Variants in TIAM1 observed in about 807,000 individuals in gnomAD.
TIAM1 encodes the protein rho guanine nucleotide exchange factor TIAM1.
Under a neutral mutation model 163.5 loss-of-function variants are expected in TIAM1, and 65 were observed. That is an observed-to-expected ratio of 0.40 (90% CI 0.33 to 0.49). The LOEUF (loss-of-function observed/expected upper bound fraction) is 0.49, where lower values mean the gene tolerates loss of function less well. Ranked by LOEUF, TIAM1 falls within the 20% of genes least tolerant of loss-of-function variation. The pLI, the probability that TIAM1 is intolerant of heterozygous loss-of-function variation, is 0.77. For synonymous variants in TIAM1, 833 were observed against 810.1 expected, an observed-to-expected ratio of 1.03 and a Z score of -0.48; for missense variants, 1,789 against 2,044.7, an observed-to-expected ratio of 0.87 and a Z score of 2.41.
At chr21:31,554,312 C>T (rs1342289378) in intron 1 of TIAM1, among the ~76,000 whole-genome samples, 1 of 152,158 alleles carries the variant, frequency 6.6e-6, no homozygotes, top group African/African-American at 2.4e-5. Flanking sequence ...GTCCTTTGCT[C>T]TTTAATAAAA....
At position 31,395,242 on chromosome 21, in the gene TIAM1, A is replaced by C. The variant is rs1024067686; in HGVS notation, c.-368-55820T>G. On this transcript the variant is annotated intron_variant, in intron 2 of 28. Transcript: ENST00000286827. The surrounding 1 kb of genome is among the most constrained non-coding windows in gnomAD (Gnocchi z 7.5). ...AACAGAGTGAGACTCTGTCTCAAAA[A>C]AAAAAAAGAGGAGGTGGGGGGAGAA... 1.3e-5 allele frequency among the ~76,000 whole-genome samples: 2 copies of C among 151,988 alleles called. No individual in the cohort carries two copies. The highest frequency in any genetic ancestry group is 2.9e-5 in the Non-Finnish European group (2 of 67,966).
intron 2 of TIAM1, among the ~76,000 whole-genome samples, chr21:31,329,628 G>A (rs973295541): frequency 1.3e-5 from 2 of 152,212 alleles, no homozygotes; most frequent in Non-Finnish European, 2.9e-5. Context: ...CCAGAAGGAA[G>A]AAAACAGGAA....
intron 20 of TIAM1, among the ~76,000 whole-genome samples, chr21:31,146,091 C>T (rs1316433213): frequency 6.6e-6 from 1 of 152,104 alleles, no homozygotes; most frequent in Non-Finnish European, 1.5e-5. Context: ...TGCAAAATGA[C>T]CCATCAATTC....
intron 2 of TIAM1, among the ~76,000 whole-genome samples, chr21:31,362,463 T>C (rs141758135): frequency 5.9e-4 from 88 of 148,322 alleles, no homozygotes; most frequent in African/African-American, 2.1e-3. Flanking sequence ...TTATTATTAT[T>C]ATTATTATTA....
At chr21:31,157,879 A>T (rs2083703642) in intron 16 of TIAM1, among the ~76,000 whole-genome samples, 1 of 152,168 alleles carries the variant, frequency 6.6e-6, no homozygotes, top group African/African-American at 2.4e-5. Flanking sequence ...ATTTAGGCAA[A>T]CTGTGTGAAA....
At chr21:31,355,669 C>T (rs11088169) in intron 2 of TIAM1, among the ~76,000 whole-genome samples, 30,732 of 151,698 alleles carry the variant, frequency 0.2, 3,217 homozygotes, top group Middle Eastern at 0.32. Flanking sequence ...CTCTTGCCTC[C>T]GCCTCCTGAG....
intron 1 of TIAM1, among the ~76,000 whole-genome samples, chr21:31,532,091 TG>T (rs1351289517): frequency 4.6e-5 from 7 of 152,144 alleles, no homozygotes; most frequent in Admixed American, 4.6e-4. Flanking sequence ...CATTCCAGCC[TG>T]GGTGACAGAG....
intron 2 of TIAM1, among the ~76,000 whole-genome samples, chr21:31,295,325 T>A (rs189288913): frequency 6.6e-6 from 1 of 151,702 alleles, no homozygotes; most frequent in African/African-American, 2.4e-5. Context: ...AAAAAATTAG[T>A]TGGGCGTGGT....
intron 2 of TIAM1, among the ~76,000 whole-genome samples, chr21:31,410,692 G>A (rs2077341673): frequency 6.8e-6 from 1 of 146,330 alleles, no homozygotes; most frequent in Non-Finnish European, 1.5e-5. Context: ...GTGAGAGTGT[G>A]TGTGAGTGTG....
intron 1 of TIAM1, among the ~76,000 whole-genome samples, chr21:31,518,579 G>A (rs2047460700): frequency 1.3e-5 from 2 of 152,116 alleles, no homozygotes; most frequent in African/African-American, 4.8e-5. Context: ...TGGCCACTGC[G>A]CCCGGCCCTA....
At chr21:31,312,937 C>T (rs1031247217) in intron 2 of TIAM1, among the ~76,000 whole-genome samples, 19 of 152,218 alleles carry the variant, frequency 1.2e-4, no homozygotes, top group Non-Finnish European at 5.9e-5. Context: ...CAGGGGGCAT[C>T]CTTTTAACAA....
chr21:31,503,408 G>A (rs1323705959), intron 1 of TIAM1, among the ~76,000 whole-genome samples: 1 of 107,552 alleles, frequency 9.3e-6, no homozygotes, highest in African/African-American at 3.6e-5. Context: ...AGAAAAAGAA[G>A]AGAAGAGAAG....
In TIAM1 at chr21:31,337,825, C is replaced by T. The variant is rs368872415; in HGVS notation, c.-189+1418G>A. Among the ~76,000 whole-genome samples, 21 of 152,068 alleles carry T rather than the reference C, an allele frequency of 1.4e-4. No individual in the cohort carries two copies. The East Asian group carries it at 3.5e-3, about 25-fold the overall frequency. On this transcript the variant is annotated intron_variant, in intron 2 of 27. Transcript: ENST00000541036. ...GATTACGGGTGTGAGCCACCACACC[C>T]GGCCTATTATTATTTATATGATTAT...
At chr21:31,446,117 T>A (rs2044613670) in intron 2 of TIAM1, among the ~76,000 whole-genome samples, 1 of 151,950 alleles carries the variant, frequency 6.6e-6, no homozygotes, top group Non-Finnish European at 1.5e-5. Flanking sequence ...ATTTTTGTAC[T>A]TGGGGTAGAG....
At chr21:31,167,496 C>G (rs1441529722) in intron 15 of TIAM1, among the ~76,000 whole-genome samples, 1 of 152,114 alleles carries the variant, frequency 6.6e-6, no homozygotes, top group East Asian at 1.9e-4. Flanking sequence ...CCTTTTTAAA[C>G]AAAGCTGAGC....
At chr21:31,544,411 A>G (rs1003246263) in intron 1 of TIAM1, among the ~76,000 whole-genome samples, 1 of 66,866 alleles carries the variant, frequency 1.5e-5, no homozygotes, top group Non-Finnish European at 4.2e-5. Flanking sequence ...GAAACCTCGA[A>G]ATGACGAAGG....
chr21:31,467,606 AC>A (rs1434033178), intron 1 of TIAM1, among the ~76,000 whole-genome samples: 1 of 151,530 alleles, frequency 6.6e-6, no homozygotes, highest in African/African-American at 2.4e-5. Context: ...AGCTTGGGCA[AC>A]AAAGTGAGGC....
chr21:31,128,036 TAA>T (rs2082276118), intron 25 of TIAM1, among the ~76,000 whole-genome samples: 1 of 152,222 alleles, frequency 6.6e-6, no homozygotes, highest in Non-Finnish European at 1.5e-5. Flanking sequence ...GTAGTGCCTA[TAA>T]TAGCACAGTA....
intron 2 of TIAM1, among the ~76,000 whole-genome samples, chr21:31,352,895 C>T (rs2147119885): frequency 6.6e-6 from 1 of 150,996 alleles, no homozygotes; most frequent in East Asian, 1.9e-4. Flanking sequence ...AAAAAAGTTG[C>T]TGCTAAAAAC....
Sources: gnomAD v4.1 joint callset for allele counts (sites outside exome capture counted in the v4.1 genomes callset) on GRCh38, gnomAD v4.1.1 for gene constraint, Gnocchi (gnomAD v3.1) non-coding constraint, MANE v1.5 for transcripts, NCBI Gene and HGNC (gene_info 2026-07-23, HGNC 2026-07-21) for gene names.